Variants in LAMB1 observed in about 807,000 individuals in gnomAD.
The protein encoded by LAMB1 is laminin subunit beta 1, also known as laminin subunit beta-1.
A neutral mutation model predicts 222.3 loss-of-function variants in LAMB1; 121 were observed. The observed-to-expected ratio is 0.54, with a 90% CI of 0.47 to 0.63. LAMB1 has a LOEUF of 0.63. Ranked by LOEUF, LAMB1 falls within the 30% of genes least tolerant of loss-of-function variation. LAMB1 has a pLI of 0.00. For synonymous variants in LAMB1, 794 were observed against 807.2 expected, an observed-to-expected ratio of 0.98 and a Z score of 0.28; for missense variants, 2,172 against 2,240.8, an observed-to-expected ratio of 0.97 and a Z score of 0.62.
Position 107,937,075 on chromosome 7 carries a change from G to C in LAMB1, c.3946+18C>G. The C allele has an allele frequency of 6.2e-7, 1 of 1,603,612 alleles. No individual in the cohort carries two copies. The highest frequency in any genetic ancestry group is 8.5e-7 in the Non-Finnish European group (1 of 1,171,206). On this transcript the variant is annotated intron_variant, in intron 26 of 33. Transcript: ENST00000222399. ...TTAAATCCATTGTCTGGGACTATTT[G>C]CACCAAAAAATGCTCACCCCGAATA... is the stretch of plus-strand genomic sequence containing the variant.
rs1430407126 is a variant in LAMB1 at position 107,926,214 on chromosome 7, G to A, written c.5033C>T (p.Thr1678Ile). The change falls in exon 32 of 34, where the codon ACT becomes ATT. Residue 1678 changes from threonine (T) to isoleucine (I), a missense_variant. By Grantham distance (89) the Thr-to-Ile change is moderately conservative. Transcript: ENST00000222399. ...AACATCTTCTGCACTTTGCTTCACA[G>A]TATATACTACTTTTTCAATATATTC... ...EAEYIEKVVY[T>I]VKQSAEDVKK... The A allele has an allele frequency of 1.9e-6, 3 of 1,613,772 alleles. No homozygotes were observed. Among genetic ancestry groups the A allele is most frequent in the Non-Finnish European group, 2.5e-6 (3 of 1,179,798 alleles).
intron 24 of LAMB1, among the ~76,000 whole-genome samples, chr7:107,943,261 T>G (rs1407566588): frequency 6.6e-6 from 1 of 152,214 alleles, no homozygotes; most frequent in Non-Finnish European, 1.5e-5. Context: ...AAAAACTGTT[T>G]TATATTGTTT....
At chr7:107,962,452 G>T (rs1247669383) in intron 15 of LAMB1, among the ~76,000 whole-genome samples, 1 of 152,190 alleles carries the variant, frequency 6.6e-6, no homozygotes, top group South Asian at 2.1e-4. Flanking sequence ...GGTGGCTCAC[G>T]CCTGTAATCC....
At position 107,998,467 on chromosome 7, in the gene LAMB1, T is replaced by G; in HGVS notation, c.239A>C (p.Asn80Thr). 6.2e-7 allele frequency: 1 copy of G among 1,613,896 alleles called. No homozygotes were observed. The highest frequency in any genetic ancestry group is 8.5e-7 in the Non-Finnish European group (1 of 1,179,890). The change falls in exon 4 of 34, where the codon AAT becomes ACT. Residue 80 changes from asparagine to threonine, a missense_variant. Physicochemically the swap from Asn to Thr is moderately conservative, Grantham distance 65. Transcript: ENST00000222399. ...LQEDKKCFIC[N>T]SQDPYHETLN... ...GGTCTCATGATAAGGATCTTGGGAA[T>G]TGCATATGAAGCATTTTTTGTCCTC...
intron 32 of LAMB1, 83 bp downstream of exon 32, chr7:107,926,100 A>G (rs999572342): frequency 1.7e-5 from 17 of 1,021,116 alleles, no homozygotes; most frequent in Middle Eastern, 2.5e-4. Context: ...TGTTAGGTCC[A>G]TGTCCCTTAC....
At chr7:107,972,917 G>C in intron 13 of LAMB1, 75 bp downstream of exon 13, 2 of 1,152,748 alleles carry the variant, frequency 1.7e-6, no homozygotes, top group Non-Finnish European at 2.6e-6. Flanking sequence ...AGAAACAACT[G>C]AATGTCACCC....
intron 20 of LAMB1, among the ~76,000 whole-genome samples, chr7:107,957,163 G>C (rs2033395111): frequency 6.6e-6 from 1 of 152,204 alleles, no homozygotes; most frequent in South Asian, 2.1e-4. Flanking sequence ...GCTGCAGCGG[G>C]TGGATCACCT....
intron 10 of LAMB1, 38 bp downstream of exon 10, chr7:107,975,651 A>G: frequency 1.3e-6 from 2 of 1,564,462 alleles, no homozygotes; most frequent in South Asian, 2.3e-5. Flanking sequence ...GGCAATCTGA[A>G]GTAGGTCCCA....
intron 7 of LAMB1, among the ~76,000 whole-genome samples, chr7:107,982,460 A>G (rs2033991106): frequency 6.6e-6 from 1 of 152,218 alleles, no homozygotes; most frequent in South Asian, 2.1e-4. Flanking sequence ...GGAAAAGTCC[A>G]TGTGTTAAAC....
chr7:107,929,339 T>A (rs1452463475), intron 30 of LAMB1, 73 bp downstream of exon 30: 13 of 1,509,502 alleles, frequency 8.6e-6, no homozygotes, highest in Middle Eastern at 1.7e-4. Flanking sequence ...GAAGTTTCAT[T>A]GGTTAAAGAG....
At chr7:107,976,866 TC>T (rs2033869055) in intron 9 of LAMB1, among the ~76,000 whole-genome samples, 1 of 89,056 alleles carries the variant, frequency 1.1e-5, no homozygotes, top group African/African-American at 4.7e-5. Context: ...TCTCCTTCCT[TC>T]CTTCCTTTCC....
At chr7:107,970,711 T>C (rs923601271) in intron 13 of LAMB1, among the ~76,000 whole-genome samples, 2 of 151,860 alleles carry the variant, frequency 1.3e-5, no homozygotes, top group Non-Finnish European at 2.9e-5. Context: ...AGTTAGATTA[T>C]TTAAATTAAT....
intron 7 of LAMB1, among the ~76,000 whole-genome samples, chr7:107,981,492 A>T (rs1413424676): frequency 6.6e-6 from 1 of 152,096 alleles, no homozygotes; most frequent in Non-Finnish European, 1.5e-5. Context: ...AGGCATCTGT[A>T]ATCCCAGTTA....
intron 3 of LAMB1, chr7:107,999,660 T>G (rs2034345724): frequency 6.7e-6 from 1 of 149,200 alleles, no homozygotes; most frequent in Non-Finnish European, 1.5e-5. Context: ...ACTAGATGTT[T>G]GAGAAAAGCA....
Position 108,002,394 on chromosome 7 carries a change from T to A in LAMB1, c.37+455A>T, listed in dbSNP as rs1223078044. 6.8e-6 allele frequency: 9 copies of A among 1,314,338 alleles called. No individual in the cohort carries two copies. In the East Asian group the frequency reaches 4.3e-4, roughly 62 times the overall value. The allele number at this position is 1,314,338 out of a possible 1,614,324, so 81.4% of individuals were successfully genotyped here. A position where few individuals can be genotyped will look rare whatever the true frequency, so the allele number is the denominator to read the frequency against. On this transcript the variant is annotated intron_variant, in intron 2 of 33. Coordinates refer to ENST00000222399, the MANE Select transcript of LAMB1 (RefSeq NM_002291.3). ...CCAGGTCCTGCTGTTTCTGGTGCCA[T>A]CCGGAGACAAACAGAGATGGTTAAT...
chr7:107,968,740 G>A (rs1421688938), intron 13 of LAMB1, among the ~76,000 whole-genome samples: 3 of 152,206 alleles, frequency 2.0e-5, no homozygotes, highest in Non-Finnish European at 4.4e-5. Flanking sequence ...GCCTACGACT[G>A]CAAGGAGCAG....
chr7:107,946,252 A>G lies in LAMB1; in HGVS notation c.3391+4974T>C, dbSNP rs576440640. Among the ~76,000 whole-genome samples, 29 of 152,370 alleles carry G rather than the reference A, an allele frequency of 1.9e-4. No homozygotes were observed. In the South Asian group the frequency reaches 4.6e-3, roughly 24 times the overall value. ...TATTTACTAAAAGCAAGGGCAATTT[A>G]AATAATTTTTATTTCTTACATGGGA... On this transcript the variant is annotated intron_variant, in intron 24 of 33. Transcript: ENST00000222399.
intron 5 of LAMB1, 69 bp from the exon 6 acceptor site, chr7:107,986,432 TA>T: frequency 7.3e-7 from 1 of 1,364,226 alleles, no homozygotes; most frequent in Non-Finnish European, 1.0e-6. Flanking sequence ...TAATCTCAGG[TA>T]AAAATGTCAC....
rs2032558946 is a variant in LAMB1 at position 107,926,174 on chromosome 7, T to C, written c.5064+9A>G. ...CAACATAGCTCTGAAATTACAAAGA[T>C]TTACGTACCTTCTTAACATCTTCTG... On this transcript the variant is annotated intron_variant, in intron 32 of 33. Transcript: ENST00000222399. 3 of 1,609,934 alleles carry C rather than the reference T, an allele frequency of 1.9e-6. No homozygotes were observed. The highest frequency in any genetic ancestry group is 2.5e-6 in the Non-Finnish European group (3 of 1,176,504).
Sources: gnomAD v4.1 joint callset for allele counts (sites outside exome capture counted in the v4.1 genomes callset) on GRCh38, gnomAD v4.1.1 for gene constraint, MANE v1.5 for transcripts, NCBI Gene and HGNC (gene_info 2026-07-23, HGNC 2026-07-21) for gene names.